Variants in CREB5 observed in about 807,000 individuals in gnomAD.
CREB5 encodes cAMP responsive element binding protein 5.
CREB5 carries 19 observed loss-of-function variants against 57.1 expected under a neutral mutation model. The ratio of observed to expected loss-of-function variants is 0.33; its 90% CI spans 0.23 to 0.49. The LOEUF is 0.49. Among genes scored for constraint, CREB5 ranks in the 20% least tolerant of loss-of-function variants. CREB5 has a pLI of 0.99. For synonymous variants in CREB5, 238 were observed against 238.3 expected, an observed-to-expected ratio of 1.00 and a Z score of 0.01; for missense variants, 579 against 671.6, an observed-to-expected ratio of 0.86 and a Z score of 1.52.
In CREB5 at chr7:28,820,319, G is replaced by A. The variant is rs528562451; in HGVS notation, c.*1040G>A. On this transcript the variant is annotated 3_prime_UTR_variant, in exon 11 of 11. Transcript: ENST00000357727. Reference sequence around the variant, plus strand: ...TGGTTTTATACGGCCTGCCTATAACGTTGAAAATCCATGTACTACATAATA... The same window carrying A: ...TGGTTTTATACGGCCTGCCTATAACATTGAAAATCCATGTACTACATAATA... The A allele has an allele frequency of 1.3e-5, 2 of 152,612 alleles. No homozygotes were observed. The highest frequency in any genetic ancestry group is 1.9e-4 in the East Asian group (1 of 5,184). 9.5% of individuals were successfully genotyped at this position (152,612 alleles called of 1,614,324 possible). A position where few individuals can be genotyped will look rare whatever the true frequency, so the allele number is the denominator to read the frequency against.
At chr7:28,428,749 A>C (rs1788602566) in intron 1 of CREB5, among the ~76,000 whole-genome samples, 1 of 152,168 alleles carries the variant, frequency 6.6e-6, no homozygotes, top group Non-Finnish European at 1.5e-5. Flanking sequence ...TCTCAGCTGC[A>C]GATAGAGTTA....
At chr7:28,646,423 T>C (rs1798891104) in intron 5 of CREB5, among the ~76,000 whole-genome samples, 1 of 152,204 alleles carries the variant, frequency 6.6e-6, no homozygotes, top group African/African-American at 2.4e-5. Context: ...GGCCTGGTGC[T>C]GCCATCTCCT....
intron 1 of CREB5, among the ~76,000 whole-genome samples, chr7:28,406,507 G>T (rs61356519): frequency 6.6e-6 from 1 of 152,218 alleles, no homozygotes; most frequent in Non-Finnish European, 1.5e-5. Context: ...ATCTTGGGTG[G>T]GTGGTACCCC....
At chr7:28,693,594 A>T (rs1039350085) in intron 5 of CREB5, among the ~76,000 whole-genome samples, 2 of 152,136 alleles carry the variant, frequency 1.3e-5, no homozygotes, top group Non-Finnish European at 2.9e-5. Context: ...ATTACTCGTA[A>T]TCAATATGGC....
intron 5 of CREB5, among the ~76,000 whole-genome samples, chr7:28,643,005 C>T (rs1310331161): frequency 2.1e-5 from 3 of 141,152 alleles, no homozygotes; most frequent in South Asian, 2.3e-4. Flanking sequence ...CACACACACA[C>T]ACACACACAC....
chr7:28,818,385 G>C (rs1349026413), intron 10 of CREB5, among the ~76,000 whole-genome samples: 3 of 152,046 alleles, frequency 2.0e-5, no homozygotes, highest in Non-Finnish European at 2.9e-5. Flanking sequence ...ACCACCTCCT[G>C]ATAATTTCTG....
In CREB5 at chr7:28,824,843, C is replaced by G. The variant is rs1417479757; in HGVS notation, c.*5564C>G. On this transcript the variant is annotated 3_prime_UTR_variant, in exon 11 of 11. Transcript: ENST00000357727. The stretch of plus-strand genomic sequence containing the variant: ...CAACACTTGTTAAAAGATTAATACT[C>G]TTAAGTGGCACTCTGATACCTTTCC... The G allele has an allele frequency of 6.6e-6, 1 of 152,564 alleles. No individual in the cohort carries two copies. The highest frequency in any genetic ancestry group is 1.5e-5 in the Non-Finnish European group (1 of 68,026). 9.5% of individuals were successfully genotyped at this position (152,564 alleles called of 1,614,324 possible). A position where few individuals can be genotyped will look rare whatever the true frequency, so the allele number is the denominator to read the frequency against.
At chr7:28,418,802 A>G (rs189850176) in intron 1 of CREB5, among the ~76,000 whole-genome samples, 55 of 152,302 alleles carry the variant, frequency 3.6e-4, no homozygotes, top group Non-Finnish European at 6.5e-4. Context: ...TCGGTATGAG[A>G]AAAGAGCTCA....
chr7:28,415,838 G>A (rs916497716), intron 1 of CREB5, among the ~76,000 whole-genome samples: 5 of 152,118 alleles, frequency 3.3e-5, no homozygotes, highest in Admixed American at 6.5e-5. Flanking sequence ...ATAGAGAAAC[G>A]GGTGATGTTT....
chr7:28,698,222 C>T (rs1016815682), intron 5 of CREB5, among the ~76,000 whole-genome samples: 1 of 152,012 alleles, frequency 6.6e-6, no homozygotes, highest in Admixed American at 6.6e-5. Flanking sequence ...ATTGAGTTTC[C>T]CTATCCCCAG....
intron 5 of CREB5, among the ~76,000 whole-genome samples, chr7:28,603,920 G>A (rs1249879675): frequency 6.6e-6 from 1 of 152,120 alleles, no homozygotes; most frequent in Non-Finnish European, 1.5e-5. Flanking sequence ...TGAGAGCTGG[G>A]TTGTTTCACA....
chr7:28,395,940 C>T (rs1428597222), intron 1 of CREB5, among the ~76,000 whole-genome samples: 4 of 152,112 alleles, frequency 2.6e-5, no homozygotes, highest in Non-Finnish European at 5.9e-5. Flanking sequence ...AATTCAACGC[C>T]AACTGCAGAA....
upstream of CREB5, chr7:28,409,648 G>C (rs1232837688): frequency 4.7e-5 from 13 of 277,484 alleles, no homozygotes; most frequent in Non-Finnish European, 7.8e-5. The surrounding 1 kb of genome is among the most constrained non-coding windows in gnomAD (Gnocchi z 4.4). Context: ...TAAACATTTT[G>C]GCGGACCAGA....
intron 1 of CREB5, among the ~76,000 whole-genome samples, chr7:28,305,634 A>G (rs1785168857): frequency 6.6e-6 from 1 of 152,204 alleles, no homozygotes; most frequent in Admixed American, 6.5e-5. Flanking sequence ...CAGAGCTCCC[A>G]GTAGCCACAC....
At chr7:28,561,248 G>C (rs1443355516) in intron 4 of CREB5, among the ~76,000 whole-genome samples, 1 of 152,174 alleles carries the variant, frequency 6.6e-6, no homozygotes, top group Non-Finnish European at 1.5e-5. Flanking sequence ...GACAATGGTA[G>C]GAAATCAGAC....
chr7:28,428,164 A>T (rs562173510), intron 1 of CREB5, among the ~76,000 whole-genome samples: 3 of 152,232 alleles, frequency 2.0e-5, no homozygotes, highest in African/African-American at 7.2e-5. Context: ...GCTTGGTACA[A>T]GGGCCCTGCT....
intron 1 of CREB5, among the ~76,000 whole-genome samples, chr7:28,444,559 ACT>A (rs1401605468): frequency 6.6e-6 from 1 of 152,116 alleles, no homozygotes; most frequent in Non-Finnish European, 1.5e-5. Flanking sequence ...CAGGGGAAAG[ACT>A]CTTCCACTGG....
intron 5 of CREB5, among the ~76,000 whole-genome samples, chr7:28,589,350 C>T (rs764801821): frequency 6.6e-6 from 1 of 152,006 alleles, no homozygotes; most frequent in African/African-American, 2.4e-5. Context: ...GTCAGGAGAT[C>T]GAGACCATCC....
At chr7:28,335,510 G>C (rs1255201897) in intron 1 of CREB5, among the ~76,000 whole-genome samples, 1 of 151,846 alleles carries the variant, frequency 6.6e-6, no homozygotes, top group Non-Finnish European at 1.5e-5. Flanking sequence ...ATTGCCGTTG[G>C]CCTATAGAAA....
Sources: gnomAD v4.1 joint callset for allele counts (sites outside exome capture counted in the v4.1 genomes callset) on GRCh38, gnomAD v4.1.1 for gene constraint, Gnocchi (gnomAD v3.1) non-coding constraint, MANE v1.5 for transcripts, NCBI Gene and HGNC (gene_info 2026-07-23, HGNC 2026-07-21) for gene names.